Variants in AGBL4 observed in about 807,000 individuals in gnomAD.
AGBL4 encodes AGBL carboxypeptidase 4, also known as cytosolic carboxypeptidase 6.
Under a neutral mutation model 66.4 loss-of-function variants are expected in AGBL4, and 58 were observed. The ratio of observed to expected loss-of-function variants is 0.87; its 90% confidence interval spans 0.71 to 1.09. AGBL4 has a LOEUF of 1.09. Ranked by LOEUF, AGBL4 falls within the 50% of genes least tolerant of loss-of-function variation. The pLI is 0.00. For synonymous variants in AGBL4, 234 were observed against 222.9 expected (o/e 1.05, Z -0.44); for missense variants, 579 against 631.0 (o/e 0.92, Z 0.88).
intron 3 of AGBL4, among the ~76,000 whole-genome samples, chr1:49,267,260 C>G (rs888619349): frequency 1.3e-5 from 2 of 152,120 alleles, no homozygotes; most frequent in African/African-American, 4.8e-5. Flanking sequence ...CTAGTTGTAG[C>G]TATGTATGGT....
intron 6 of AGBL4, among the ~76,000 whole-genome samples, chr1:48,816,903 G>A (rs1371604156): frequency 6.6e-6 from 1 of 152,200 alleles, no homozygotes; most frequent in Non-Finnish European, 1.5e-5. Flanking sequence ...ACCTACATCT[G>A]TCTAGGCAAG....
At chr1:49,290,577 A>G (rs1199959258) in intron 3 of AGBL4, among the ~76,000 whole-genome samples, 1 of 152,204 alleles carries the variant, frequency 6.6e-6, no homozygotes, top group Non-Finnish European at 1.5e-5. Flanking sequence ...AAAAAAATAT[A>G]TCAAAGTACT....
chr1:48,845,047 G>C (rs1646879947), intron 6 of AGBL4, among the ~76,000 whole-genome samples: 2 of 152,184 alleles, frequency 1.3e-5, no homozygotes, highest in Non-Finnish European at 2.9e-5. Context: ...TGGACAGCTA[G>C]TATGTTTTTT....
chr1:48,673,459 G>C (rs541910549), intron 6 of AGBL4, among the ~76,000 whole-genome samples: 1 of 152,290 alleles, frequency 6.6e-6, no homozygotes, highest in East Asian at 1.9e-4. Context: ...TCTTCATTGA[G>C]TTGTATAAAA....
At position 49,979,317 on chromosome 1, in the gene AGBL4, C is replaced by T. The variant is rs369960493; in HGVS notation, c.34+44446G>A. 5.4e-3 allele frequency among the ~76,000 whole-genome samples: 819 copies of T among 151,412 alleles called. 9 individuals are homozygous for T. The highest frequency in any genetic ancestry group is 0.019 in the African/African-American group (788 of 41,284). ...TCTACTAAAAATACAAAAAATTAGC[C>T]GGGCGCGGTGGCGGGCGCCTGTAGT... On this transcript the variant is annotated intron_variant, in intron 1 of 13. Coordinates refer to ENST00000371839, the MANE Select transcript of AGBL4 (RefSeq NM_032785.4).
intron 1 of AGBL4, among the ~76,000 whole-genome samples, chr1:49,967,206 T>C (rs901190604): frequency 6.6e-6 from 1 of 152,202 alleles, no homozygotes; most frequent in African/African-American, 2.4e-5. Flanking sequence ...TTCTAACTGG[T>C]GTGAGATGGT....
intron 3 of AGBL4, among the ~76,000 whole-genome samples, chr1:49,331,783 C>G (rs1393369128): frequency 6.6e-6 from 1 of 151,986 alleles, no homozygotes; most frequent in Non-Finnish European, 1.5e-5. Context: ...CAGCACAACA[C>G]AGCACTGAAC....
In AGBL4 at chr1:49,534,376, T is replaced by C. The variant is rs562321162; in HGVS notation, c.282+162937A>G. Among the ~76,000 whole-genome samples, 177 of 152,280 alleles carry C rather than the reference T, an allele frequency of 1.2e-3. 1 individual carries two copies. Among genetic ancestry groups the C allele is most frequent in the African/African-American group, 4.2e-3 (173 of 41,568 alleles). On this transcript the variant is annotated intron_variant, in intron 3 of 13. Coordinates refer to ENST00000371839, the MANE Select transcript of AGBL4 (RefSeq NM_032785.4). The stretch of plus-strand genomic sequence containing the variant: ...CTGAGATAAAAGGGTACAATACCTG[T>C]AACCCTACCAATATCTCCCTGCCCA...
chr1:49,242,411 A>G (rs1237244265), intron 4 of AGBL4, among the ~76,000 whole-genome samples: 1 of 152,064 alleles, frequency 6.6e-6, no homozygotes, highest in East Asian at 1.9e-4. Flanking sequence ...ATCCCCATGC[A>G]TGGAATGTGA....
intron 11 of AGBL4, among the ~76,000 whole-genome samples, chr1:48,546,864 A>AAC (rs58136623): frequency 0.099 from 12,720 of 128,130 alleles, 680 homozygotes; most frequent in African/African-American, 0.14. Flanking sequence ...AAAACAAACA[A>AAC]ACACACACAC....
chr1:49,544,861 G>A (rs1268014671), intron 3 of AGBL4, among the ~76,000 whole-genome samples: 1 of 152,150 alleles, frequency 6.6e-6, no homozygotes, highest in Non-Finnish European at 1.5e-5. Flanking sequence ...AACCCACAGA[G>A]GTTCTCTTGA....
rs975032730 is a variant in AGBL4 at position 49,350,542 on chromosome 1, G to A, written c.283-104678C>T. ...AATAAATGAATGAAATGTTTGCTGA[G>A]TTAAATTTATTGAAAGAGGTGAGGT... On this transcript the variant is annotated intron_variant, in intron 3 of 13. Coordinates refer to ENST00000371839, the MANE Select transcript of AGBL4 (RefSeq NM_032785.4). Among the ~76,000 whole-genome samples the A allele has an allele frequency of 4.6e-5, 7 of 152,344 alleles. No homozygotes were observed. The South Asian group carries it at 6.2e-4, about 14-fold the overall frequency.
intron 1 of AGBL4, among the ~76,000 whole-genome samples, chr1:49,921,476 A>G (rs530686920): frequency 6.6e-6 from 1 of 152,232 alleles, no homozygotes; most frequent in South Asian, 2.1e-4. Context: ...GTATATTTGA[A>G]AGGGAGTTTA....
chr1:49,662,592 C>T (rs955064342), intron 3 of AGBL4, among the ~76,000 whole-genome samples: 13 of 152,164 alleles, frequency 8.5e-5, no homozygotes, highest in South Asian at 6.2e-4. Flanking sequence ...CAGAGAGTTA[C>T]GTTATGCCTC....
At chr1:49,069,116 A>C (rs1199309619) in intron 4 of AGBL4, among the ~76,000 whole-genome samples, 2 of 152,100 alleles carry the variant, frequency 1.3e-5, no homozygotes, top group Non-Finnish European at 2.9e-5. Flanking sequence ...GGTTCTTTGT[A>C]GATTCTGTAT....
chr1:49,640,566 TAAAAC>T (rs1645760649), intron 3 of AGBL4, among the ~76,000 whole-genome samples: 1 of 152,160 alleles, frequency 6.6e-6, no homozygotes, highest in African/African-American at 2.4e-5. Flanking sequence ...AGCAGAAACT[TAAAAC>T]AATTGAAATT....
At chr1:49,282,365 C>G (rs1025793615) in intron 3 of AGBL4, among the ~76,000 whole-genome samples, 6 of 151,592 alleles carry the variant, frequency 4.0e-5, no homozygotes, top group Non-Finnish European at 8.8e-5. Context: ...CTCTTTGTCT[C>G]AAAAAAAGGA....
intron 1 of AGBL4, among the ~76,000 whole-genome samples, chr1:50,008,686 GAAGT>G (rs1661315103): frequency 6.6e-6 from 1 of 151,574 alleles, no homozygotes; most frequent in African/African-American, 2.4e-5. Flanking sequence ...AAATTGAACT[GAAGT>G]AATATAAAAG....
intron 5 of AGBL4, among the ~76,000 whole-genome samples, chr1:48,946,989 C>T (rs1257910505): frequency 1.3e-5 from 2 of 152,210 alleles, no homozygotes; most frequent in Admixed American, 1.3e-4. Context: ...CCTTACTTCT[C>T]CCCAGGAATA....
Sources: gnomAD v4.1 joint callset for allele counts (sites outside exome capture counted in the v4.1 genomes callset) on GRCh38, gnomAD v4.1.1 for gene constraint, MANE v1.5 for transcripts, NCBI Gene and HGNC (gene_info 2026-07-23, HGNC 2026-07-21) for gene names.